ZNF560: variants seen among roughly 807,000 people sequenced by gnomAD.
The protein encoded by ZNF560 is zinc finger protein 560.
In ZNF560, 54 loss-of-function variants were observed where a neutral mutation model predicts 81.8. That is an observed-to-expected ratio of 0.66 (90% confidence interval 0.53 to 0.83). The LOEUF (loss-of-function observed/expected upper bound fraction) is 0.83. Among genes scored for constraint, ZNF560 ranks in the 40% least tolerant of loss-of-function variants. ZNF560 has a pLI of 0.00. For missense variants in ZNF560, 940 were observed against 932.4 expected, an observed-to-expected ratio of 1.01 and a Z score of -0.11; for synonymous variants, 321 against 317.9, an observed-to-expected ratio of 1.01 and a Z score of -0.10.
At chr19:9,497,440 CAGG>C (rs2073577948) in intron 2 of ZNF560, among the ~76,000 whole-genome samples, 1 of 146,698 alleles carries the variant, frequency 6.8e-6, no homozygotes, top group Non-Finnish European at 1.5e-5. Context: ...GAAGCTGAGG[CAGG>C]AGAATCGCTT....
chr19:9,457,787 C>T, the ZNF560 span, among the ~76,000 whole-genome samples: 1 of 152,050 alleles, frequency 6.6e-6, no homozygotes, highest in East Asian at 1.9e-4. Context: ...AATTGGATAC[C>T]GCCTGCTCTA....
the ZNF560 span, among the ~76,000 whole-genome samples, chr19:9,452,236 T>G: frequency 6.6e-6 from 1 of 152,236 alleles, no homozygotes; most frequent in South Asian, 2.1e-4. Flanking sequence ...AAACCAGTCA[T>G]AATGGCTACT....
chr19:9,494,251 A>T (rs565646879), intron 2 of ZNF560, among the ~76,000 whole-genome samples: 1 of 152,108 alleles, frequency 6.6e-6, no homozygotes, highest in Non-Finnish European at 1.5e-5. Context: ...CTTAACCATT[A>T]TAAGAGAATC....
intron 2 of ZNF560, among the ~76,000 whole-genome samples, chr19:9,492,424 AGAG>A (rs990039698): frequency 1.4e-4 from 21 of 152,206 alleles, no homozygotes; most frequent in African/African-American, 4.6e-4. Flanking sequence ...AGATTTGTAC[AGAG>A]GAGAGGCAAA....
the ZNF560 span, among the ~76,000 whole-genome samples, chr19:9,461,349 G>C: frequency 6.6e-6 from 1 of 152,144 alleles, no homozygotes; most frequent in Non-Finnish European, 1.5e-5. Flanking sequence ...CTAGCAGTGA[G>C]AGCTCAAGAA....
the ZNF560 span, among the ~76,000 whole-genome samples, chr19:9,459,705 T>G: frequency 6.6e-6 from 1 of 151,986 alleles, no homozygotes; most frequent in African/African-American, 2.4e-5. Flanking sequence ...GGTGAGGATG[T>G]GGGGGTAGAA....
Position 9,466,988 on chromosome 19 carries a change from A to G in ZNF560, c.1959T>C (p.Tyr653=). ...LVDHLRTHTG[Y]KPYKCNACEK... is the part of the protein sequence containing the mutation. The stretch of plus-strand genomic sequence containing the variant: ...CACATGCATTACATTTATAGGGTTT[A>G]TATCCAGTGTGAGTTCTTAAATGAT... The change falls in exon 10 of 10, where the codon TAT becomes TAC. Residue 653 remains tyrosine, a synonymous_variant. Transcript: ENST00000301480. 2 of 1,613,786 alleles carry G rather than the reference A, an allele frequency of 1.2e-6. No individual in the cohort carries two copies. The highest frequency in any genetic ancestry group is 1.7e-6 in the Non-Finnish European group (2 of 1,179,936).
chr19:9,447,082 C>G, the ZNF560 span, among the ~76,000 whole-genome samples: 1 of 139,156 alleles, frequency 7.2e-6, no homozygotes, highest in African/African-American at 2.7e-5. Flanking sequence ...TGCAGTGGGC[C>G]AAGATCACGC....
At chr19:9,485,587 C>A (rs1159859049) in intron 2 of ZNF560, among the ~76,000 whole-genome samples, 1 of 150,916 alleles carries the variant, frequency 6.6e-6, no homozygotes, top group Admixed American at 6.6e-5. Flanking sequence ...GCTCTGTCAC[C>A]CAGGCTGGAG....
chr19:9,501,327 TTGTGTGTGTGTGTG>T (rs71185606), upstream of ZNF560, among the ~76,000 whole-genome samples: 742 of 109,020 alleles, frequency 6.8e-3, 10 homozygotes, highest in African/African-American at 0.017. Flanking sequence ...CCTGGCTACT[TTGTGTGTGTGTGTG>T]TGTGTGTGTG....
chr19:9,505,837 T>C, the ZNF560 span, among the ~76,000 whole-genome samples: 1 of 152,164 alleles, frequency 6.6e-6, no homozygotes, highest in African/African-American at 2.4e-5. Context: ...CTAATTTTTG[T>C]ATTTTTAGTA....
chr19:9,459,380 G>A, the ZNF560 span, among the ~76,000 whole-genome samples: 1 of 152,174 alleles, frequency 6.6e-6, no homozygotes, highest in Admixed American at 6.5e-5. Context: ...ACAAAAGATT[G>A]GGAAACAGGT....
At chr19:9,489,043 A>G (rs1253638798) in intron 2 of ZNF560, among the ~76,000 whole-genome samples, 2 of 152,148 alleles carry the variant, frequency 1.3e-5, no homozygotes, top group Non-Finnish European at 2.9e-5. Flanking sequence ...AGAAGTCACT[A>G]TGCTTCCTGT....
the ZNF560 span, among the ~76,000 whole-genome samples, chr19:9,457,306 T>C: frequency 1.3e-5 from 2 of 152,238 alleles, no homozygotes; most frequent in South Asian, 2.1e-4. Context: ...TGGCCTTTAA[T>C]AGCCATAGAT....
At chr19:9,447,762 A>G in the ZNF560 span, among the ~76,000 whole-genome samples, 1 of 152,220 alleles carries the variant, frequency 6.6e-6, no homozygotes, top group South Asian at 2.1e-4. Flanking sequence ...GGAGAGAAAG[A>G]GAAAAAGTAA....
the ZNF560 span, among the ~76,000 whole-genome samples, chr19:9,457,916 A>G: frequency 1.3e-5 from 2 of 152,222 alleles, no homozygotes. Context: ...ATTGAAAAGC[A>G]AGTCCATAAG....
downstream of ZNF560, among the ~76,000 whole-genome samples, chr19:9,462,092 T>C (rs1158529198): frequency 6.6e-6 from 1 of 152,210 alleles, no homozygotes; most frequent in Non-Finnish European, 1.5e-5. Context: ...TTTGCTTTTA[T>C]TGCCCTGGTA....
intron 4 of ZNF560, among the ~76,000 whole-genome samples, chr19:9,473,636 G>C (rs920991739): frequency 2.0e-5 from 3 of 151,414 alleles, no homozygotes; most frequent in African/African-American, 7.3e-5. Flanking sequence ...TTACATTATA[G>C]AACTATAGTT....
At chr19:9,489,292 C>T (rs928831749) in intron 2 of ZNF560, among the ~76,000 whole-genome samples, 7 of 150,530 alleles carry the variant, frequency 4.7e-5, no homozygotes, top group East Asian at 2.0e-4. Context: ...GTGCGGCGGC[C>T]GGTTAGAGGC....
Sources: allele counts gnomAD v4.1 joint callset (sites outside exome capture counted in the v4.1 genomes callset), GRCh38; gene constraint gnomAD v4.1.1; transcripts MANE v1.5; gene names NCBI Gene and HGNC (gene_info 2026-07-23, HGNC 2026-07-21).